Variants in CNTNAP5 observed in about 807,000 individuals in gnomAD.
CNTNAP5 encodes contactin associated protein family member 5.
Under a neutral mutation model 150.2 loss-of-function variants are expected in CNTNAP5, and 72 were observed. The observed-to-expected ratio is 0.48, with a 90% CI of 0.40 to 0.58. CNTNAP5 has a LOEUF of 0.58. Ranked by LOEUF, CNTNAP5 falls within the 20% of genes least tolerant of loss-of-function variation. CNTNAP5 has a pLI of 0.00. For synonymous variants in CNTNAP5, 672 were observed against 619.8 expected (o/e 1.08, Z -1.25); for missense variants, 1,636 against 1,626.2 (o/e 1.01, Z -0.10).
chr2:124,257,905 G>A (rs1247477372), intron 3 of CNTNAP5, among the ~76,000 whole-genome samples: 1 of 152,102 alleles, frequency 6.6e-6, no homozygotes. Flanking sequence ...TCATTCCACA[G>A]TGATAAAACC....
intron 1 of CNTNAP5, among the ~76,000 whole-genome samples, chr2:124,189,262 A>G (rs1558793337): frequency 6.6e-6 from 1 of 152,162 alleles, no homozygotes; most frequent in Non-Finnish European, 1.5e-5. Context: ...AACAAAGTAA[A>G]TCAGTAAAAT....
At chr2:124,702,835 G>A (rs896994814) in intron 13 of CNTNAP5, among the ~76,000 whole-genome samples, 1 of 152,004 alleles carries the variant, frequency 6.6e-6, no homozygotes, top group African/African-American at 2.4e-5. Flanking sequence ...GGATTTATTT[G>A]CCCTTTTCTC....
intron 1 of CNTNAP5, 42 bp downstream of exon 1, chr2:124,025,774 C>T (rs761555887): frequency 6.9e-7 from 1 of 1,453,444 alleles, no homozygotes; most frequent in Admixed American, 1.7e-5. Context: ...AGGTGGAAAA[C>T]GATCGCATTC....
At chr2:124,199,557 A>T (rs1226474256) in intron 1 of CNTNAP5, among the ~76,000 whole-genome samples, 1 of 151,776 alleles carries the variant, frequency 6.6e-6, no homozygotes, top group Non-Finnish European at 1.5e-5. Context: ...CTGGGATTAC[A>T]GGCATGTGCC....
At chr2:124,182,139 T>A (rs1419754403) in intron 1 of CNTNAP5, among the ~76,000 whole-genome samples, 4 of 152,158 alleles carry the variant, frequency 2.6e-5, no homozygotes, top group Non-Finnish European at 5.9e-5. Flanking sequence ...CTCACAATAA[T>A]CAGAATTGGG....
intron 10 of CNTNAP5, among the ~76,000 whole-genome samples, chr2:124,557,532 C>A (rs560369293): frequency 1.3e-5 from 2 of 152,286 alleles, no homozygotes; most frequent in Admixed American, 6.5e-5. Context: ...TTATAGAGTG[C>A]CTACCTTGCT....
chr2:124,221,866 G>A (rs1686329400), intron 2 of CNTNAP5, 57 bp downstream of exon 2: 2 of 1,151,274 alleles, frequency 1.7e-6, no homozygotes, highest in East Asian at 2.5e-5. Flanking sequence ...GTGGTGGGTA[G>A]GTGAAGGAGA....
chr2:124,485,631 A>AGAAGAAG (rs1553472348), intron 7 of CNTNAP5, among the ~76,000 whole-genome samples: 9 of 134,266 alleles, frequency 6.7e-5, no homozygotes, highest in African/African-American at 2.2e-4. Context: ...AAAAAAAAAA[A>AGAAGAAG]AAAGAAGAAG....
At chr2:124,462,047 G>C (rs376608538) in intron 6 of CNTNAP5, among the ~76,000 whole-genome samples, 1 of 151,954 alleles carries the variant, frequency 6.6e-6, no homozygotes, top group Non-Finnish European at 1.5e-5. Flanking sequence ...ACCCAAAACA[G>C]CCCTGTGAGA....
intron 3 of CNTNAP5, among the ~76,000 whole-genome samples, chr2:124,368,606 G>C (rs1004983104): frequency 6.6e-6 from 1 of 152,096 alleles, no homozygotes; most frequent in Non-Finnish European, 1.5e-5. Flanking sequence ...GAATATCATT[G>C]AACAAGGACA....
At chr2:124,030,189 G>C (rs539345792) in intron 1 of CNTNAP5, among the ~76,000 whole-genome samples, 1 of 152,028 alleles carries the variant, frequency 6.6e-6, no homozygotes, top group African/African-American at 2.4e-5. Context: ...ATTGCCTACT[G>C]GTCATTTTAT....
At chr2:124,417,365 C>A in intron 3 of CNTNAP5, 78 bp from the exon 4 acceptor site, 3 of 1,467,958 alleles carry the variant, frequency 2.0e-6, no homozygotes, top group East Asian at 2.3e-5. Flanking sequence ...AGTACGAGTT[C>A]GTGGAGTAAC....
intron 3 of CNTNAP5, among the ~76,000 whole-genome samples, chr2:124,306,265 C>A (rs531125897): frequency 5.9e-5 from 9 of 152,274 alleles, no homozygotes; most frequent in African/African-American, 1.2e-4. Flanking sequence ...TCGCTCCCAC[C>A]CTCTCAGTCT....
At chr2:124,742,885 G>T (rs1680526322) in intron 13 of CNTNAP5, among the ~76,000 whole-genome samples, 1 of 152,002 alleles carries the variant, frequency 6.6e-6, no homozygotes, top group South Asian at 2.1e-4. Context: ...CTTAATCTTG[G>T]CTGTTTTGTG....
Position 124,918,336 on chromosome 2 carries a change from A to G in CNTNAP5, c.*4048A>G, listed in dbSNP as rs1423005338. 1.3e-5 allele frequency among the ~76,000 whole-genome samples: 2 copies of G among 152,034 alleles called. No individual in the cohort carries two copies. The highest frequency in any genetic ancestry group is 2.9e-5 in the Non-Finnish European group (2 of 67,986). On this transcript the variant is annotated 3_prime_UTR_variant, in exon 24 of 24. Transcript: ENST00000682447. Reference sequence around the variant, plus strand: ...CTGATGAGCCATTTTGACTCTACATAACATTTCTGAACCTAACTGAAGTCT... The same window carrying G: ...CTGATGAGCCATTTTGACTCTACATGACATTTCTGAACCTAACTGAAGTCT...
At chr2:124,111,043 C>T (rs762887159) in intron 1 of CNTNAP5, among the ~76,000 whole-genome samples, 47 of 152,086 alleles carry the variant, frequency 3.1e-4, no homozygotes, top group Non-Finnish European at 5.4e-4. Context: ...TGCGATTTGT[C>T]CAGGGTGGTA....
chr2:124,108,284 G>A (rs998468238), intron 1 of CNTNAP5, among the ~76,000 whole-genome samples: 5 of 152,142 alleles, frequency 3.3e-5, no homozygotes, highest in African/African-American at 9.7e-5. Context: ...TTCTGGTTAT[G>A]AGCAATGATT....
chr2:124,901,592 T>A (rs1249881516), intron 21 of CNTNAP5, among the ~76,000 whole-genome samples: 2 of 152,168 alleles, frequency 1.3e-5, no homozygotes, highest in Non-Finnish European at 2.9e-5. Flanking sequence ...GCAGCCTTGC[T>A]GATACTTGAT....
intron 7 of CNTNAP5, among the ~76,000 whole-genome samples, chr2:124,493,664 A>T (rs1386210902): frequency 6.6e-6 from 1 of 152,060 alleles, no homozygotes; most frequent in Non-Finnish European, 1.5e-5. Context: ...ACTTAAAAGT[A>T]CTTCATTGAA....
Sources: gnomAD v4.1 joint callset for allele counts (sites outside exome capture counted in the v4.1 genomes callset) on GRCh38, gnomAD v4.1.1 for gene constraint, MANE v1.5 for transcripts, NCBI Gene and HGNC (gene_info 2026-07-23, HGNC 2026-07-21) for gene names.